Variants in USP6NL observed in about 807,000 individuals in gnomAD.
The protein encoded by USP6NL is USP6 N-terminal-like protein.
In USP6NL, 26 loss-of-function variants were observed where a neutral mutation model predicts 61.9. The observed-to-expected ratio is 0.42, with a 90% CI of 0.31 to 0.58. USP6NL has a LOEUF of 0.58. USP6NL is among the 20% of genes least tolerant of loss of function. USP6NL has a pLI of 0.16. For missense variants in USP6NL, 1,114 were observed against 1,034.3 expected (o/e 1.08, Z -1.06); for synonymous variants, 432 against 390.1 (o/e 1.11, Z -1.27).
intron 14 of USP6NL, among the ~76,000 whole-genome samples, chr10:11,480,124 C>T (rs1833136904): frequency 6.6e-6 from 1 of 152,186 alleles, no homozygotes; most frequent in Non-Finnish European, 1.5e-5. Context: ...CATTCTCTGT[C>T]CCCATTCTAT....
At chr10:11,556,087 T>C (rs1011260001) in intron 2 of USP6NL, among the ~76,000 whole-genome samples, 6 of 152,122 alleles carry the variant, frequency 3.9e-5, no homozygotes, top group Non-Finnish European at 5.9e-5. Context: ...CATAAATACA[T>C]GGATACTAAA....
intron 2 of USP6NL, among the ~76,000 whole-genome samples, chr10:11,579,532 C>T (rs1346927225): frequency 2.0e-5 from 3 of 152,170 alleles, no homozygotes; most frequent in Non-Finnish European, 4.4e-5. Flanking sequence ...ATATTCCATG[C>T]ACCCTGCCTA....
intron 14 of USP6NL, among the ~76,000 whole-genome samples, chr10:11,480,893 G>A (rs908603121): frequency 4.6e-5 from 7 of 152,174 alleles, no homozygotes; most frequent in Non-Finnish European, 1.0e-4. Flanking sequence ...TAAGAAAGAA[G>A]AAAAGCGAAA....
In USP6NL at chr10:11,597,467, C is replaced by T. The variant is rs1038757045; in HGVS notation, c.4+164G>A. 2.6e-5 allele frequency among the ~76,000 whole-genome samples: 4 copies of T among 152,222 alleles called. No individual in the cohort carries two copies. Among genetic ancestry groups the T allele is most frequent in the Non-Finnish European group, 5.9e-5 (4 of 68,046 alleles). Reference sequence around the variant, plus strand: ...ATAAATCAAACATCAGAAAGTATCTCCTTGTCTTAACACAGACAAGCGCAG... The same window carrying T: ...ATAAATCAAACATCAGAAAGTATCTTCTTGTCTTAACACAGACAAGCGCAG... On this transcript the variant is annotated intron_variant, in intron 2 of 14. Transcript: ENST00000609104. This position sits in a 1 kb window ranked among gnomAD's most constrained non-coding sequence, Gnocchi z 4.6.
In USP6NL at chr10:11,611,359, A is replaced by G. The variant is rs1838889770; in HGVS notation, c.-84+84T>C. 1 of 151,928 alleles carries G rather than the reference A, an allele frequency of 6.6e-6. No homozygotes were observed. The highest frequency in any genetic ancestry group is 1.5e-5 in the Non-Finnish European group (1 of 68,046). 9.4% of individuals were successfully genotyped at this position (151,928 alleles called of 1,614,324 possible). ...GGCGGCGTCCGGCTCCCCGGGGCCA[A>G]CTCCGAGTCCCGGCCCGGGGAGGAC... On this transcript the variant is annotated intron_variant, in intron 1 of 14. Coordinates refer to ENST00000609104, the MANE Select transcript of USP6NL (RefSeq NM_014688.5). This position sits in a 1 kb window ranked among gnomAD's most constrained non-coding sequence, Gnocchi z 5.3.
intron 2 of USP6NL, among the ~76,000 whole-genome samples, chr10:11,557,324 T>C (rs1182343297): frequency 6.6e-6 from 1 of 152,154 alleles, no homozygotes; most frequent in Non-Finnish European, 1.5e-5. Context: ...TAGAGCCCAA[T>C]ACAGCAAAGG....
intron 1 of USP6NL, among the ~76,000 whole-genome samples, chr10:11,604,777 G>C (rs937521164): frequency 3.3e-5 from 5 of 152,132 alleles, no homozygotes; most frequent in African/African-American, 1.2e-4. Flanking sequence ...CTAAAATTCT[G>C]CTTTAAAAAT....
chr10:11,464,295 T>A (rs1341915663), intron 14 of USP6NL, among the ~76,000 whole-genome samples: 3 of 152,178 alleles, frequency 2.0e-5, no homozygotes, highest in Admixed American at 6.5e-5. Flanking sequence ...AAAATAACTT[T>A]AATGGTGGCC....
At chr10:11,606,095 C>G (rs997548454) in intron 1 of USP6NL, among the ~76,000 whole-genome samples, 21 of 152,094 alleles carry the variant, frequency 1.4e-4, no homozygotes, top group African/African-American at 4.8e-4. Context: ...AGAAAATCAT[C>G]TCAAAGCCAA....
rs1833393529 is a variant in USP6NL at position 11,484,953 on chromosome 10, G to A, written c.925+18C>T. Reference sequence around the variant, plus strand: ...CTCAATTTTTAATGAAATTTTAAGAGTTTAAGCATTTTCTTACTTTTGTGT... The same window carrying A: ...CTCAATTTTTAATGAAATTTTAAGAATTTAAGCATTTTCTTACTTTTGTGT... On this transcript the variant is annotated intron_variant, in intron 13 of 14. Coordinates refer to ENST00000609104, the MANE Select transcript of USP6NL (RefSeq NM_014688.5). 1 of 1,501,304 alleles carries A rather than the reference G, an allele frequency of 6.7e-7. No individual in the cohort carries two copies. Among genetic ancestry groups the A allele is most frequent in the Non-Finnish European group, 8.9e-7 (1 of 1,124,034 alleles). The allele number at this position is 1,501,304 out of a possible 1,614,324, so 93.0% of individuals were successfully genotyped here.
chr10:11,493,317 T>G, intron 7 of USP6NL, 89 bp from the exon 8 acceptor site: 1 of 1,201,722 alleles, frequency 8.3e-7, no homozygotes, highest in Non-Finnish European at 1.2e-6. Flanking sequence ...ATTAAAAAGT[T>G]TTTGGTTTAA....
Position 11,485,126 on chromosome 10 carries a change from G to T in USP6NL, c.825+43C>A, listed in dbSNP as rs369316896. 117 of 1,536,200 alleles carry T rather than the reference G, an allele frequency of 7.6e-5. No individual in the cohort carries two copies. In the Middle Eastern group the frequency reaches 2.0e-3, roughly 26 times the overall value. ...AGGGTTAACAGCTTCCCCTCACCTT[G>T]TATTTATAATTTTATGACTGAGTTT... is the stretch of plus-strand genomic sequence containing the variant. On this transcript the variant is annotated intron_variant, in intron 12 of 14. Coordinates refer to ENST00000609104, the MANE Select transcript of USP6NL (RefSeq NM_014688.5). This position sits in a 1 kb window ranked among gnomAD's most constrained non-coding sequence, Gnocchi z 4.8.
rs989543119 is a variant in USP6NL at position 11,537,998 on chromosome 10, T to C, written c.5-10431A>G. ...TGTAAGCACATGTTTTTAAGATCAT[T>C]GGGAAGAGGACAAATTGCCAATATT... On this transcript the variant is annotated intron_variant, in intron 2 of 14. Transcript: ENST00000609104. The surrounding 1 kb of genome is among the most constrained non-coding windows in gnomAD (Gnocchi z 5.1). Among the ~76,000 whole-genome samples the C allele has an allele frequency of 1.3e-4, 20 of 152,210 alleles. No homozygotes were observed. Among genetic ancestry groups the C allele is most frequent in the African/African-American group, 4.6e-4 (19 of 41,456 alleles).
At chr10:11,607,452 G>A (rs1194181738) in intron 1 of USP6NL, among the ~76,000 whole-genome samples, 9 of 152,208 alleles carry the variant, frequency 5.9e-5, no homozygotes, top group African/African-American at 1.9e-4. Flanking sequence ...GGGAGGCTGA[G>A]GCAGGAGGAT....
intron 6 of USP6NL, among the ~76,000 whole-genome samples, chr10:11,503,408 A>T (rs987765512): frequency 6.6e-6 from 1 of 152,210 alleles, no homozygotes; most frequent in African/African-American, 2.4e-5. Flanking sequence ...CTTAAAGTTA[A>T]ATCTACATTT....
rs1003774569 is a variant in USP6NL, at chr10:11,460,933, A to G, written c.*1508T>C. On this transcript the variant is annotated 3_prime_UTR_variant, in exon 15 of 15. Coordinates refer to ENST00000609104, the MANE Select transcript of USP6NL (RefSeq NM_014688.5). ...ACTTGTTTTGCTATTTAATAACATCATTACCAAGTTGATCAAAATTACATT... is the reference window on the plus strand; with the variant it reads ...ACTTGTTTTGCTATTTAATAACATCGTTACCAAGTTGATCAAAATTACATT... 3 of 152,294 alleles carry G rather than the reference A, an allele frequency of 2.0e-5. No homozygotes were observed. The highest frequency in any genetic ancestry group is 4.4e-5 in the Non-Finnish European group (3 of 68,012). The allele number at this position is 152,294 out of a possible 1,614,324, so 9.4% of individuals were successfully genotyped here. A position where few individuals can be genotyped will look rare whatever the true frequency, so the allele number is the denominator to read the frequency against.
intron 2 of USP6NL, among the ~76,000 whole-genome samples, chr10:11,550,826 C>T (rs1399835886): frequency 6.7e-6 from 1 of 149,642 alleles, no homozygotes; most frequent in Non-Finnish European, 1.5e-5. Flanking sequence ...TTTGAATAGA[C>T]ACTTCACAAA....
In USP6NL at chr10:11,559,699, TATAAAC is replaced by T. The variant is rs542522255; in HGVS notation, c.5-32138_5-32133del. On this transcript the variant is annotated intron_variant, in intron 2 of 14. Coordinates refer to ENST00000609104, the MANE Select transcript of USP6NL (RefSeq NM_014688.5). ...CAACCTAAGCCTGGATCTAACATCT[TATAAAC>T]ATAAATTGTTGTGACTTGATCGTGG... 8.3e-4 allele frequency among the ~76,000 whole-genome samples: 126 copies of T among 152,312 alleles called. 1 individual carries two copies. The highest frequency in any genetic ancestry group is 2.8e-3 in the African/African-American group (118 of 41,580).
At chr10:11,507,433 T>C (rs1409522762) in intron 6 of USP6NL, among the ~76,000 whole-genome samples, 2 of 152,176 alleles carry the variant, frequency 1.3e-5, no homozygotes, top group Non-Finnish European at 2.9e-5. Flanking sequence ...GTTCTAAACC[T>C]AATGCTAAAA....
Sources: gnomAD v4.1 joint callset for allele counts (sites outside exome capture counted in the v4.1 genomes callset) on GRCh38, gnomAD v4.1.1 for gene constraint, Gnocchi (gnomAD v3.1) non-coding constraint, MANE v1.5 for transcripts, NCBI Gene and HGNC (gene_info 2026-07-23, HGNC 2026-07-21) for gene names.